Variants in GRIN2A observed in about 807,000 individuals in gnomAD.
GRIN2A encodes glutamate receptor ionotropic, NMDA 2A.
In GRIN2A, 22 loss-of-function variants were observed where a neutral mutation model predicts 113.4. That is an observed-to-expected ratio of 0.19 (90% CI 0.14 to 0.28). The LOEUF (loss-of-function observed/expected upper bound fraction) is 0.28. Among genes scored for constraint, GRIN2A ranks in the 10% least tolerant of loss-of-function variants. The pLI, the probability that GRIN2A is intolerant of heterozygous loss-of-function variation, is 1.00. For synonymous variants in GRIN2A, 827 were observed against 738.4 expected, an observed-to-expected ratio of 1.12 and a Z score of -1.94; for missense variants, 1,502 against 1,887.0, an observed-to-expected ratio of 0.80 and a Z score of 3.78.
chr16:9,918,511 A>G (rs1421858147), intron 3 of GRIN2A, among the ~76,000 whole-genome samples: 1 of 152,174 alleles, frequency 6.6e-6, no homozygotes, highest in African/African-American at 2.4e-5. Context: ...TTTTCAGACT[A>G]TGGGTAACTG....
chr16:10,073,949 G>A (rs898152925), intron 2 of GRIN2A, among the ~76,000 whole-genome samples: 1 of 148,612 alleles, frequency 6.7e-6, no homozygotes, highest in Non-Finnish European at 1.5e-5. Context: ...GTGAAAACAC[G>A]ACACACAGAA....
intron 8 of GRIN2A, 77 bp from the exon 9 acceptor site, chr16:9,829,729 C>T (rs2042453660): frequency 1.3e-5 from 12 of 909,036 alleles, no homozygotes; most frequent in Non-Finnish European, 2.0e-5. Context: ...ACGCAGCAGC[C>T]ACCAGCAGCA....
At chr16:10,014,812 A>T (rs2046571551) in intron 2 of GRIN2A, among the ~76,000 whole-genome samples, 1 of 152,238 alleles carries the variant, frequency 6.6e-6, no homozygotes, top group Admixed American at 6.5e-5. Context: ...TTATGCAGTG[A>T]GTTAAGCAAT....
chr16:9,984,769 T>C (rs561765975), intron 2 of GRIN2A, among the ~76,000 whole-genome samples: 1 of 152,248 alleles, frequency 6.6e-6, no homozygotes, highest in Non-Finnish European at 1.5e-5. Context: ...TTTATCTACA[T>C]GCTCATTTTA....
At chr16:9,785,703 GA>G (rs1223987621) in intron 11 of GRIN2A, among the ~76,000 whole-genome samples, 1 of 151,876 alleles carries the variant, frequency 6.6e-6, no homozygotes, top group Non-Finnish European at 1.5e-5. Flanking sequence ...TAGAACACTA[GA>G]TAAAAAGTAT....
chr16:9,901,222 ACT>A (rs750951857), intron 3 of GRIN2A, among the ~76,000 whole-genome samples: 1 of 151,726 alleles, frequency 6.6e-6, no homozygotes, highest in Non-Finnish European at 1.5e-5. Context: ...AAAAGTCTCA[ACT>A]CTCTGTCTTT....
chr16:10,141,436 C>T (rs1228296552), intron 2 of GRIN2A, among the ~76,000 whole-genome samples: 3 of 151,864 alleles, frequency 2.0e-5, no homozygotes, highest in African/African-American at 4.8e-5. Context: ...TGCAGTGAGC[C>T]GAGATCATGC....
In GRIN2A at chr16:10,180,702, C is replaced by T. The variant is rs1567355230; in HGVS notation, c.-18-273G>A. 1.7e-6 allele frequency: 1 copy of T among 573,176 alleles called. No homozygotes were observed. Among genetic ancestry groups the T allele is most frequent in the Non-Finnish European group, 3.1e-6 (1 of 322,110 alleles). 35.5% of individuals were successfully genotyped at this position (573,176 alleles called of 1,614,324 possible). The stretch of plus-strand genomic sequence containing the variant: ...CATCCCCTGTCTCCAGGCACTTCCC[C>T]ATCCCCATCTCTGTCCATATCCCCC... On this transcript the variant is annotated intron_variant, in intron 1 of 12. Coordinates refer to ENST00000330684, the MANE Select transcript of GRIN2A (RefSeq NM_001134407.3). The surrounding 1 kb of genome is among the most constrained non-coding windows in gnomAD (Gnocchi z 7.0).
intron 10 of GRIN2A, among the ~76,000 whole-genome samples, chr16:9,805,273 G>A (rs1022227390): frequency 4.6e-5 from 7 of 152,190 alleles, no homozygotes; most frequent in African/African-American, 1.7e-4. Context: ...ATGCATGTTT[G>A]CAGATGCTCT....
chr16:9,771,166 T>C (rs1235309669), intron 11 of GRIN2A, among the ~76,000 whole-genome samples: 2 of 152,096 alleles, frequency 1.3e-5, no homozygotes, highest in Admixed American at 6.5e-5. Flanking sequence ...TTATTTCAAT[T>C]TGCAATTCCC....
chr16:9,888,802 A>G (rs912770209), intron 4 of GRIN2A, among the ~76,000 whole-genome samples: 1 of 152,004 alleles, frequency 6.6e-6, no homozygotes, highest in African/African-American at 2.4e-5. Context: ...GGAATTTACC[A>G]TCTTTATCAT....
chr16:10,024,953 A>AT (rs1483405482), intron 2 of GRIN2A, among the ~76,000 whole-genome samples: 1 of 152,128 alleles, frequency 6.6e-6, no homozygotes, highest in Non-Finnish European at 1.5e-5. Context: ...ATTTAAATGA[A>AT]TTTTTTAAAA....
chr16:9,941,732 G>A (rs2044882406), intron 2 of GRIN2A, among the ~76,000 whole-genome samples: 1 of 152,000 alleles, frequency 6.6e-6, no homozygotes, highest in South Asian at 2.1e-4. Flanking sequence ...AATGGGTGTG[G>A]CTATGGTAAT....
At chr16:9,816,888 C>A (rs766220247) in intron 10 of GRIN2A, among the ~76,000 whole-genome samples, 37 of 152,196 alleles carry the variant, frequency 2.4e-4, no homozygotes, top group Non-Finnish European at 5.0e-4. Context: ...GCTTGAGAAG[C>A]ATTAGCCTAG....
At chr16:10,131,295 G>T (rs11644255) in intron 2 of GRIN2A, among the ~76,000 whole-genome samples, 2 of 152,000 alleles carry the variant, frequency 1.3e-5, no homozygotes, top group African/African-American at 2.4e-5. Flanking sequence ...GAGATGCTAA[G>T]CAACCAGTCT....
chr16:10,129,351 C>G (rs2049014582), intron 2 of GRIN2A, among the ~76,000 whole-genome samples: 1 of 138,430 alleles, frequency 7.2e-6, no homozygotes, highest in African/African-American at 2.7e-5. Context: ...AGGACACATG[C>G]TTTAATGGGA....
chr16:9,764,417 T>C lies in GRIN2A; in HGVS notation c.3127A>G (p.Thr1043Ala). 1 of 1,613,904 alleles carries C rather than the reference T, an allele frequency of 6.2e-7. No individual in the cohort carries two copies. Among genetic ancestry groups the C allele is most frequent in the Non-Finnish European group, 8.5e-7 (1 of 1,179,882 alleles). Residue 1043 changes from threonine to alanine, a missense_variant, in exon 13 of 13, where the codon ACC (threonine) becomes GCC (alanine). This residue lies in a region of GRIN2A where 832 missense variants were observed against 789.7 expected (regional missense o/e 1.05). Transcript: ENST00000330684. The part of the protein sequence containing the change: ...QRDEATAENR[T>A]HSLKSPRYLP... The stretch of plus-strand genomic sequence containing the variant: ...TACCTAGGGCTCTTTAGGGAGTGGG[T>C]CCTATTCTCTGCTGTTGCCTCATCC...
At chr16:10,091,237 G>A (rs553574259) in intron 2 of GRIN2A, among the ~76,000 whole-genome samples, 1 of 152,120 alleles carries the variant, frequency 6.6e-6, no homozygotes, top group East Asian at 1.9e-4. Flanking sequence ...ACACAGACTG[G>A]CATATAGATA....
At chr16:10,044,863 G>T (rs765551204) in intron 2 of GRIN2A, among the ~76,000 whole-genome samples, 3 of 151,980 alleles carry the variant, frequency 2.0e-5, no homozygotes, top group Non-Finnish European at 4.4e-5. Flanking sequence ...ATAAATCACA[G>T]GGTACAAGGC....
Sources: gnomAD v4.1 joint callset for allele counts (sites outside exome capture counted in the v4.1 genomes callset) on GRCh38, gnomAD v4.1.1 for gene constraint, gnomAD v4.1.1 regional missense constraint, Gnocchi (gnomAD v3.1) non-coding constraint, MANE v1.5 for transcripts, NCBI Gene and HGNC (gene_info 2026-07-23, HGNC 2026-07-21) for gene names.